The following ARHGAP15 variants were observed in gnomAD, a reference collection of about 807,000 sequenced individuals.
ARHGAP15 encodes the protein Rho GTPase activating protein 15.
In ARHGAP15, 51 loss-of-function variants were observed where a neutral mutation model predicts 63.7. The observed-to-expected ratio is 0.80, with a 90% CI of 0.64 to 1.01. ARHGAP15 has a LOEUF of 1.01. ARHGAP15 is among the 50% of genes least tolerant of loss of function. The probability of loss-of-function intolerance (pLI) is 0.00; values close to 1 mark genes in which losing one functional copy is unlikely to be tolerated. For missense variants in ARHGAP15, 560 were observed against 564.6 expected (o/e 0.99, Z 0.08); for synonymous variants, 191 against 193.8 (o/e 0.99, Z 0.12).
intron 11 of ARHGAP15, among the ~76,000 whole-genome samples, chr2:143,620,515 C>T (rs1441089564): frequency 6.6e-6 from 1 of 152,206 alleles, no homozygotes; most frequent in Non-Finnish European, 1.5e-5. Context: ...ACAATCTTGA[C>T]ATAATAGTCA....
intron 6 of ARHGAP15, among the ~76,000 whole-genome samples, chr2:143,325,155 G>A (rs937063276): frequency 6.6e-6 from 1 of 152,042 alleles, no homozygotes; most frequent in Non-Finnish European, 1.5e-5. Context: ...CATTTCATAT[G>A]TAGTTAACTT....
At chr2:143,217,279 T>C (rs889441585) in intron 4 of ARHGAP15, among the ~76,000 whole-genome samples, 1 of 152,248 alleles carries the variant, frequency 6.6e-6, no homozygotes, top group Non-Finnish European at 1.5e-5. Context: ...CACCAGAGAA[T>C]AAAGTCTGCT....
chr2:143,390,603 C>T (rs1377998647), intron 6 of ARHGAP15, among the ~76,000 whole-genome samples: 1 of 152,076 alleles, frequency 6.6e-6, no homozygotes, highest in Non-Finnish European at 1.5e-5. Flanking sequence ...CCACTCTCCG[C>T]TTCCCCCTCC....
chr2:143,559,533 T>C (rs998671504), intron 11 of ARHGAP15, among the ~76,000 whole-genome samples: 5 of 152,374 alleles, frequency 3.3e-5, no homozygotes, highest in African/African-American at 4.8e-5. Flanking sequence ...AGTTGTGTTA[T>C]GGAGTTTTCT....
chr2:143,597,414 A>G (rs1211323174), intron 11 of ARHGAP15, among the ~76,000 whole-genome samples: 1 of 152,098 alleles, frequency 6.6e-6, no homozygotes, highest in African/African-American at 2.4e-5. Context: ...TTTATGAGGA[A>G]ATGTCTTAAC....
chr2:143,417,296 A>C (rs918973656), intron 6 of ARHGAP15, among the ~76,000 whole-genome samples: 9 of 152,050 alleles, frequency 5.9e-5, no homozygotes, highest in East Asian at 1.9e-4. Context: ...TGCATTATGG[A>C]GATATACCAC....
intron 4 of ARHGAP15, among the ~76,000 whole-genome samples, chr2:143,220,257 C>CT (rs1440373870): frequency 2.0e-5 from 3 of 152,188 alleles, no homozygotes; most frequent in Admixed American, 6.5e-5. Flanking sequence ...GGATCTCACT[C>CT]TGTCACCCAG....
intron 6 of ARHGAP15, among the ~76,000 whole-genome samples, chr2:143,383,331 G>T (rs1409459809): frequency 6.6e-6 from 1 of 152,008 alleles, no homozygotes; most frequent in African/African-American, 2.4e-5. Context: ...AGATTTCTTG[G>T]CTCACTTATA....
intron 10 of ARHGAP15, among the ~76,000 whole-genome samples, chr2:143,555,677 C>G (rs1574628192): frequency 6.6e-6 from 1 of 152,198 alleles, no homozygotes; most frequent in Non-Finnish European, 1.5e-5. Flanking sequence ...CTAAAATAAT[C>G]TGAAACTCAT....
chr2:143,228,148 CAT>C (rs1377106164), intron 4 of ARHGAP15: 1 of 152,392 alleles, frequency 6.6e-6, no homozygotes, highest in East Asian at 1.9e-4. Flanking sequence ...AGCAATGACA[CAT>C]GAGGCTGGTT....
At chr2:143,596,299 G>A (rs1697516221) in intron 11 of ARHGAP15, among the ~76,000 whole-genome samples, 1 of 152,100 alleles carries the variant, frequency 6.6e-6, no homozygotes, top group African/African-American at 2.4e-5. Flanking sequence ...AGCAAAACGT[G>A]CTGCTGGAAT....
intron 2 of ARHGAP15, among the ~76,000 whole-genome samples, chr2:143,197,045 T>C (rs1225983954): frequency 6.6e-6 from 1 of 151,998 alleles, no homozygotes; most frequent in Non-Finnish European, 1.5e-5. Flanking sequence ...GTCAGCATTC[T>C]GAAACTTAAT....
chr2:143,388,250 A>G (rs1687384372), intron 6 of ARHGAP15, among the ~76,000 whole-genome samples: 1 of 152,208 alleles, frequency 6.6e-6, no homozygotes, highest in African/African-American at 2.4e-5. Context: ...AGAAGCTGTC[A>G]TTTGTATGAA....
intron 12 of ARHGAP15, among the ~76,000 whole-genome samples, chr2:143,631,913 A>AT (rs1427599248): frequency 6.6e-6 from 1 of 151,902 alleles, no homozygotes; most frequent in Non-Finnish European, 1.5e-5. Context: ...CAGCCAGTGA[A>AT]TTTTTTTTAA....
intron 13 of ARHGAP15, among the ~76,000 whole-genome samples, chr2:143,752,927 A>C: frequency 6.6e-6 from 1 of 152,202 alleles, no homozygotes; most frequent in Non-Finnish European, 1.5e-5. Flanking sequence ...ACCTGAGGCC[A>C]GGAGTTCGAG....
chr2:143,250,706 A>T, intron 6 of ARHGAP15, 106 bp downstream of exon 6: 1 of 853,732 alleles, frequency 1.2e-6, no homozygotes, highest in South Asian at 1.8e-5. Flanking sequence ...ATGTACATGA[A>T]CTCGTTGTCT....
chr2:143,690,246 C>G (rs921989177), intron 12 of ARHGAP15, among the ~76,000 whole-genome samples: 2 of 152,170 alleles, frequency 1.3e-5, no homozygotes, highest in African/African-American at 4.8e-5. Flanking sequence ...TACTCTCAGT[C>G]CCTGTTTAAA....
chr2:143,264,189 C>T (rs1680881562), intron 6 of ARHGAP15, among the ~76,000 whole-genome samples: 1 of 151,908 alleles, frequency 6.6e-6, no homozygotes, highest in South Asian at 2.1e-4. Context: ...TTGTTGTCCA[C>T]TCTATGATTC....
chr2:143,494,084 G>C (rs964848274), intron 9 of ARHGAP15, among the ~76,000 whole-genome samples: 2 of 151,884 alleles, frequency 1.3e-5, no homozygotes, highest in African/African-American at 4.8e-5. Flanking sequence ...TATTCTGCTT[G>C]GCCCTTAATT....
Sources: allele counts gnomAD v4.1 joint callset (sites outside exome capture counted in the v4.1 genomes callset), GRCh38; gene constraint gnomAD v4.1.1; transcripts MANE v1.5; gene names NCBI Gene and HGNC (gene_info 2026-07-23, HGNC 2026-07-21).